Variants in KIF13A observed in about 807,000 individuals in gnomAD.
KIF13A encodes the protein kinesin-like protein KIF13A.
In KIF13A, 79 loss-of-function variants were observed where a neutral mutation model predicts 212.2. The observed-to-expected ratio is 0.37, with a 90% CI of 0.31 to 0.45. The LOEUF (loss-of-function observed/expected upper bound fraction) is 0.45. Among genes scored for constraint, KIF13A ranks in the 20% least tolerant of loss-of-function variants. KIF13A has a pLI of 1.00. For synonymous variants in KIF13A, 789 were observed against 808.6 expected, an observed-to-expected ratio of 0.98 and a Z score of 0.41; for missense variants, 1,901 against 2,209.0, an observed-to-expected ratio of 0.86 and a Z score of 2.79.
rs1448498520 is a variant in KIF13A at position 17,787,384 on chromosome 6, G to T, written c.3361+392C>A. Among the ~76,000 whole-genome samples, 1 of 152,164 alleles carries T rather than the reference G, an allele frequency of 6.6e-6. No homozygotes were observed. Among genetic ancestry groups the T allele is most frequent in the African/African-American group, 2.4e-5 (1 of 41,426 alleles). On this transcript the variant is annotated intron_variant, in intron 27 of 38. Transcript: ENST00000259711. This position sits in a 1 kb window ranked among gnomAD's most constrained non-coding sequence, Gnocchi z 4.6. ...CAAAACTAAACAGGCTGGGCGCAGTGGCTAACACCTGCAATTCCAGCAGTT... is the reference window on the plus strand; with the variant it reads ...CAAAACTAAACAGGCTGGGCGCAGTTGCTAACACCTGCAATTCCAGCAGTT...
chr6:17,969,507 T>C (rs867065060), intron 2 of KIF13A, among the ~76,000 whole-genome samples: 41 of 152,250 alleles, frequency 2.7e-4, no homozygotes, highest in African/African-American at 9.6e-4. Context: ...AGGAAATGAC[T>C]GGCTGAAGCT....
intron 4 of KIF13A, among the ~76,000 whole-genome samples, chr6:17,866,654 T>G (rs1769397647): frequency 6.6e-6 from 1 of 151,718 alleles, no homozygotes; most frequent in Admixed American, 6.6e-5. Context: ...ATGCTCAGGG[T>G]TGTACTATCT....
chr6:17,916,517 C>T (rs760725386), intron 2 of KIF13A, among the ~76,000 whole-genome samples: 16 of 152,208 alleles, frequency 1.1e-4, no homozygotes, highest in Admixed American at 2.6e-4. Context: ...ATGTCTGAAT[C>T]GGTTTTTATT....
chr6:17,773,083 T>C lies in KIF13A; in HGVS notation c.4324+395A>G, dbSNP rs1282922178. ...ATCAAACTCATTTTGGGTATCGTTT[T>C]TGAAAACTGCTTTATGAATCAAAGT... On this transcript the variant is annotated intron_variant, in intron 36 of 38. Coordinates refer to ENST00000259711, the MANE Select transcript of KIF13A (RefSeq NM_022113.6). This position sits in a 1 kb window ranked among gnomAD's most constrained non-coding sequence, Gnocchi z 4.2. 6.6e-6 allele frequency among the ~76,000 whole-genome samples: 1 copy of C among 152,212 alleles called. No homozygotes were observed. The highest frequency in any genetic ancestry group is 2.4e-5 in the African/African-American group (1 of 41,456).
chr6:17,962,950 C>G (rs192914187), intron 2 of KIF13A, among the ~76,000 whole-genome samples: 2 of 152,286 alleles, frequency 1.3e-5, no homozygotes, highest in African/African-American at 4.8e-5. Flanking sequence ...TGATTCAGCC[C>G]GTTAGACTCA....
intron 2 of KIF13A, among the ~76,000 whole-genome samples, chr6:17,931,801 C>T (rs190223759): frequency 5.3e-5 from 8 of 151,834 alleles, no homozygotes; most frequent in Admixed American, 2.0e-4. Context: ...CTTTTAAATG[C>T]GATTTCTTCT....
In KIF13A at chr6:17,861,921, C is replaced by G. The variant is rs149298205; in HGVS notation, c.221-5799G>C. Among the ~76,000 whole-genome samples, 1,204 of 152,282 alleles carry G rather than the reference C, an allele frequency of 7.9e-3. 11 individuals are homozygous for G. The highest frequency in any genetic ancestry group is 0.013 in the Non-Finnish European group (878 of 68,026). The stretch of plus-strand genomic sequence containing the variant: ...TCTTTTCTCTTTTCCTTCATGATTT[C>G]TGCCTATGATATGTGCTATGCCTCA... On this transcript the variant is annotated intron_variant, in intron 4 of 38. Transcript: ENST00000259711.
At chr6:17,913,732 T>C (rs1310238810) in intron 2 of KIF13A, among the ~76,000 whole-genome samples, 5 of 152,240 alleles carry the variant, frequency 3.3e-5, no homozygotes, top group East Asian at 3.9e-4. Context: ...CGAGGGGGGA[T>C]TGACTAAGTC....
At chr6:17,780,656 C>G in intron 31 of KIF13A, 74 bp downstream of exon 31, 1 of 1,415,530 alleles carries the variant, frequency 7.1e-7, no homozygotes, top group Non-Finnish European at 9.8e-7. Flanking sequence ...CCAAAAAACA[C>G]TGCTTTGTGA....
intron 3 of KIF13A, among the ~76,000 whole-genome samples, chr6:17,890,737 C>T (rs1446604503): frequency 6.6e-6 from 1 of 150,750 alleles, no homozygotes; most frequent in Non-Finnish European, 1.5e-5. Flanking sequence ...AGCGATCTTC[C>T]CACCTCAGCT....
chr6:17,917,235 C>CTTTT (rs71002284), intron 2 of KIF13A, among the ~76,000 whole-genome samples: 15 of 79,102 alleles, frequency 1.9e-4, no homozygotes, highest in African/African-American at 3.2e-4. Context: ...TTACACGATT[C>CTTTT]TTTTTTTTTT....
chr6:17,937,476 G>C (rs1776567471), intron 2 of KIF13A, among the ~76,000 whole-genome samples: 1 of 152,164 alleles, frequency 6.6e-6, no homozygotes, highest in Non-Finnish European at 1.5e-5. Context: ...CCACAGTCCT[G>C]AAGACACAGT....
Position 17,933,404 on chromosome 6 carries a change from A to ATT in KIF13A, c.147-35226_147-35225dup, listed in dbSNP as rs11377627. ...TGGCACGCACCACCACACCCAGCTC[A>ATT]TTTTTTTTTTTTTTTTTTTTGTAGA... is the stretch of plus-strand genomic sequence containing the variant. On this transcript the variant is annotated intron_variant, in intron 2 of 38. Transcript: ENST00000259711. Among the ~76,000 whole-genome samples, 579 of 114,584 alleles carry ATT rather than the reference A, an allele frequency of 5.1e-3. 20 individuals are homozygous for ATT. The highest frequency in any genetic ancestry group is 6.1e-3 in the Non-Finnish European group (357 of 58,058). The allele number at this position is 114,584 out of a possible 152,430, so 75.2% of individuals were successfully genotyped here.
intron 2 of KIF13A, among the ~76,000 whole-genome samples, chr6:17,928,420 C>T (rs985469122): frequency 1.2e-4 from 18 of 152,156 alleles, no homozygotes; most frequent in Admixed American, 2.6e-4. Context: ...GTCAGTGGAT[C>T]CAGACAGCTA....
At chr6:17,939,774 C>CG (rs970550405) in intron 2 of KIF13A, among the ~76,000 whole-genome samples, 1 of 152,018 alleles carries the variant, frequency 6.6e-6, no homozygotes, top group Non-Finnish European at 1.5e-5. Context: ...CTCACCTGGC[C>CG]GGGCGTAGTG....
intron 2 of KIF13A, among the ~76,000 whole-genome samples, chr6:17,911,957 G>T (rs1774108312): frequency 6.6e-6 from 1 of 152,080 alleles, no homozygotes; most frequent in Admixed American, 6.6e-5. Context: ...TAGAGACGGG[G>T]TTTCACCATG....
At position 17,825,800 on chromosome 6, in the gene KIF13A, A is replaced by G; in HGVS notation, c.1754T>C (p.Met585Thr). ...EPDYNYEFAQ[M>T]EVIMKTLNSN... Reference sequence around the variant, plus strand: ...ATTCAGGGTTTTCATGATAACTTCCATCTGTGCAAATTCATAGTTATAGTC... The same window carrying G: ...ATTCAGGGTTTTCATGATAACTTCCGTCTGTGCAAATTCATAGTTATAGTC... The change falls in exon 16 of 39, where the codon ATG becomes ACG. Residue 585 changes from methionine to threonine, a missense_variant. This residue lies in a region of KIF13A where 534 missense variants were observed against 536.9 expected (regional missense o/e 0.99). Coordinates refer to ENST00000259711, the MANE Select transcript of KIF13A (RefSeq NM_022113.6). This position sits in a 1 kb window ranked among gnomAD's most constrained non-coding sequence, Gnocchi z 4.5. 6.2e-7 allele frequency: 1 copy of G among 1,613,942 alleles called. No individual in the cohort carries two copies. The highest frequency in any genetic ancestry group is 8.5e-7 in the Non-Finnish European group (1 of 1,179,874).
chr6:17,840,171 CTG>C (rs757477048), intron 9 of KIF13A, among the ~76,000 whole-genome samples: 62 of 152,138 alleles, frequency 4.1e-4, no homozygotes, highest in Middle Eastern at 3.4e-3. Context: ...CGGTACAACT[CTG>C]AATATATTAA....
rs1011848890 is a variant in KIF13A, at chr6:17,947,524, A to G, written c.146+39530T>C. 6.6e-6 allele frequency among the ~76,000 whole-genome samples: 1 copy of G among 152,142 alleles called. No individual in the cohort carries two copies. The highest frequency in any genetic ancestry group is 2.4e-5 in the African/African-American group (1 of 41,434). On this transcript the variant is annotated intron_variant, in intron 2 of 38. Coordinates refer to ENST00000259711, the MANE Select transcript of KIF13A (RefSeq NM_022113.6). This position sits in a 1 kb window ranked among gnomAD's most constrained non-coding sequence, Gnocchi z 4.6. ...CCTGTTAAATTTCCTGAATTTGGTA[A>G]TAGTCTTAGAAAATACACCAAGAGC...
Sources: allele counts gnomAD v4.1 joint callset (sites outside exome capture counted in the v4.1 genomes callset), GRCh38; gene constraint gnomAD v4.1.1; regional missense constraint gnomAD v4.1.1; non-coding constraint Gnocchi (gnomAD v3.1); transcripts MANE v1.5; gene names NCBI Gene and HGNC (gene_info 2026-07-23, HGNC 2026-07-21).